Variants in RANBP2 observed in about 807,000 individuals in gnomAD.
The protein encoded by RANBP2 is E3 SUMO-protein ligase RanBP2.
In RANBP2, 57 loss-of-function variants were observed where a neutral mutation model predicts 303.6. The ratio of observed to expected loss-of-function variants is 0.19; its 90% confidence interval spans 0.15 to 0.23. The LOEUF (loss-of-function observed/expected upper bound fraction) is 0.23, where lower values mean the gene tolerates loss of function less well. RANBP2 is among the 10% of genes least tolerant of loss of function. The pLI, the probability that RANBP2 is intolerant of heterozygous loss-of-function variation, is 1.00. For missense variants in RANBP2, 3,138 were observed against 3,780.8 expected, an observed-to-expected ratio of 0.83 and a Z score of 4.46; for synonymous variants, 1,167 against 1,301.5, an observed-to-expected ratio of 0.90 and a Z score of 2.23.
the RANBP2 span, among the ~76,000 whole-genome samples, chr2:109,368,829 T>C: frequency 6.6e-6 from 1 of 152,328 alleles, no homozygotes; most frequent in South Asian, 2.1e-4. Flanking sequence ...TATTTTGCTG[T>C]TGTGACAGCT....
the RANBP2 span, among the ~76,000 whole-genome samples, chr2:108,960,602 A>AT: frequency 2.9e-3 from 447 of 152,082 alleles, no homozygotes; most frequent in Non-Finnish European, 4.9e-3. Flanking sequence ...AGGTTTTTAC[A>AT]TTTTTTTTCA....
chr2:109,429,186 T>C, the RANBP2 span, among the ~76,000 whole-genome samples: 3 of 151,994 alleles, frequency 2.0e-5, no homozygotes, highest in Non-Finnish European at 4.4e-5. Flanking sequence ...TCCTCTTGAG[T>C]ACCTCAGAGA....
At chr2:109,394,577 AT>A in the RANBP2 span, among the ~76,000 whole-genome samples, 1 of 152,236 alleles carries the variant, frequency 6.6e-6, no homozygotes, top group South Asian at 2.1e-4. Flanking sequence ...TTTTGTTTCC[AT>A]TTTGTATGGA....
At chr2:109,652,790 C>A in the RANBP2 span, among the ~76,000 whole-genome samples, 12 of 152,152 alleles carry the variant, frequency 7.9e-5, no homozygotes, top group African/African-American at 2.7e-4. Flanking sequence ...GTAGAAGCTA[C>A]GGATTTGCTC....
the RANBP2 span, chr2:109,585,900 T>C: frequency 2.5e-6 from 3 of 1,219,602 alleles, no homozygotes. Flanking sequence ...TTAAATAGGA[T>C]GTAGGCACAC....
the RANBP2 span, among the ~76,000 whole-genome samples, chr2:109,235,110 A>G: frequency 3.9e-5 from 6 of 152,306 alleles, no homozygotes; most frequent in African/African-American, 1.4e-4. Context: ...AATAAGCAGT[A>G]CGGTTTTAGA....
At chr2:109,719,097 C>CT in the RANBP2 span, among the ~76,000 whole-genome samples, 62,135 of 120,958 alleles carry the variant, frequency 0.51, 18,323 homozygotes, top group Non-Finnish European at 0.65. Context: ...TGAATTATAT[C>CT]TTTTTTTTTT....
chr2:109,140,297 C>T, the RANBP2 span, among the ~76,000 whole-genome samples: 6 of 152,250 alleles, frequency 3.9e-5, no homozygotes, highest in East Asian at 9.7e-4. Context: ...TCTCTTTTGC[C>T]GGTTCTTTGT....
chr2:109,011,262 A>T, the RANBP2 span, among the ~76,000 whole-genome samples: 1 of 152,340 alleles, frequency 6.6e-6, no homozygotes, highest in Non-Finnish European at 1.5e-5. Flanking sequence ...TGGAATTCAT[A>T]GGCTGTGAAT....
At chr2:109,460,853 T>TCAAAG in the RANBP2 span, among the ~76,000 whole-genome samples, 14 of 152,220 alleles carry the variant, frequency 9.2e-5, no homozygotes, top group Non-Finnish European at 1.8e-4. Context: ...GGTGCATTCC[T>TCAAAG]CAAAGTTCTG....
At chr2:109,290,738 C>G in the RANBP2 span, among the ~76,000 whole-genome samples, 2 of 152,256 alleles carry the variant, frequency 1.3e-5, no homozygotes, top group Admixed American at 6.5e-5. Flanking sequence ...GGAGGTGCTG[C>G]TGTTACACCC....
chr2:109,243,682 C>T, the RANBP2 span, among the ~76,000 whole-genome samples: 4 of 152,082 alleles, frequency 2.6e-5, no homozygotes, highest in African/African-American at 4.8e-5. Context: ...AGGCAAAGGT[C>T]GGGGACAATC....
chr2:108,803,898 T>C, the RANBP2 span, among the ~76,000 whole-genome samples: 1 of 152,332 alleles, frequency 6.6e-6, no homozygotes, highest in Admixed American at 6.5e-5. Context: ...ATGGAAAAAG[T>C]TGGACAATGA....
At chr2:109,684,538 CT>C in the RANBP2 span, among the ~76,000 whole-genome samples, 72 of 135,810 alleles carry the variant, frequency 5.3e-4, no homozygotes, top group Admixed American at 6.0e-4. Flanking sequence ...TGCACCCGGG[CT>C]TTTTTTTTTT....
the RANBP2 span, among the ~76,000 whole-genome samples, chr2:109,564,901 A>C: frequency 3.9e-5 from 6 of 152,352 alleles, no homozygotes; most frequent in South Asian, 1.2e-3. Context: ...ATGTTTAAAG[A>C]GTATGTAATA....
the RANBP2 span, among the ~76,000 whole-genome samples, chr2:109,306,256 C>T: frequency 1.3e-5 from 2 of 152,130 alleles, no homozygotes; most frequent in East Asian, 1.9e-4. Context: ...GCAGTGGGGC[C>T]GGGATGAGGG....
At chr2:109,459,147 T>G in the RANBP2 span, among the ~76,000 whole-genome samples, 1 of 152,088 alleles carries the variant, frequency 6.6e-6, no homozygotes, top group Non-Finnish European at 1.5e-5. Context: ...AATACTATCA[T>G]ATAATAATCA....
the RANBP2 span, among the ~76,000 whole-genome samples, chr2:108,950,825 AGGGAT>A: frequency 6.6e-6 from 1 of 152,252 alleles, no homozygotes; most frequent in African/African-American, 2.4e-5. Flanking sequence ...TTCTCAGCAC[AGGGAT>A]GGCCCTACAG....
chr2:109,458,572 C>CAGAGAGAGAGAGAGAGAGAGAGAGAGAG, the RANBP2 span, among the ~76,000 whole-genome samples: 4,509 of 122,668 alleles, frequency 0.037, 626 homozygotes, highest in Non-Finnish European at 0.044. Context: ...CAGCAGGAGA[C>CAGAGAGAGAGAGAGAGAGAGAGAGAGAG]AGAGAGAGAG....
Sources: gnomAD v4.1 joint callset for allele counts (sites outside exome capture counted in the v4.1 genomes callset) on GRCh38, gnomAD v4.1.1 for gene constraint, MANE v1.5 for transcripts, NCBI Gene and HGNC (gene_info 2026-07-23, HGNC 2026-07-21) for gene names.